Variants in SPTBN1 observed in about 807,000 individuals in gnomAD.
The protein encoded by SPTBN1 is spectrin beta, non-erythrocytic 1, also known as spectrin beta chain, non-erythrocytic 1.
SPTBN1 carries 32 observed loss-of-function variants against 266.4 expected under a neutral mutation model. That is an observed-to-expected ratio of 0.12 (90% CI 0.09 to 0.16). SPTBN1 has a LOEUF of 0.16. SPTBN1 is among the 10% of genes least tolerant of loss of function. The pLI is 1.00. For synonymous variants in SPTBN1, 1,336 were observed against 1,162.2 expected (o/e 1.15, Z -3.04); for missense variants, 2,296 against 3,067.1 (o/e 0.75, Z 5.94).
rs1680125078 is a variant in SPTBN1, at chr2:54,649,439, A to G, written c.5203-176A>G. On this transcript the variant is annotated intron_variant, in intron 25 of 35. Coordinates refer to ENST00000356805, the MANE Select transcript of SPTBN1 (RefSeq NM_003128.3). This position sits in a 1 kb window ranked among gnomAD's most constrained non-coding sequence, Gnocchi z 6.7. ...GTGCCTCACTCTGCTGCAGTGAGCA[A>G]GAAAGGAAACCCAGTTGCTAAGAGG... The G allele has an allele frequency of 2.7e-6, 3 of 1,125,218 alleles. No individual in the cohort carries two copies. Among genetic ancestry groups the G allele is most frequent in the Non-Finnish European group, 1.2e-6 (1 of 811,830 alleles). 69.7% of individuals were successfully genotyped at this position (1,125,218 alleles called of 1,614,324 possible).
Position 54,631,053 on chromosome 2 carries a change from G to C in SPTBN1, c.3006G>C (p.Glu1002Asp). 6.2e-7 allele frequency: 1 copy of C among 1,614,006 alleles called. No individual in the cohort carries two copies. Among genetic ancestry groups the C allele is most frequent in the Non-Finnish European group, 8.5e-7 (1 of 1,179,870 alleles). ...TGCAGCGCAAGCTGACCGGCATGGA[G>C]CGGGACTTGGTGGCCATTGAGGCAA... is the stretch of plus-strand genomic sequence containing the variant. ...MALQRKLTGMERDLVAIEAKL... is the reference protein window; with the variant it reads ...MALQRKLTGMDRDLVAIEAKL... The change falls in exon 16 of 36, where the codon GAG (glutamate) becomes GAC (aspartate). Residue 1002 changes from glutamate to aspartate, a missense_variant. By Grantham distance (45) the Glu-to-Asp change is conservative (BLOSUM62 2). Coordinates refer to ENST00000356805, the MANE Select transcript of SPTBN1 (RefSeq NM_003128.3).
intron 1 of SPTBN1, among the ~76,000 whole-genome samples, chr2:54,496,925 A>G (rs373412979): frequency 6.7e-4 from 102 of 152,378 alleles, no homozygotes; most frequent in Admixed American, 3.5e-3. Context: ...GTGAACAACT[A>G]TGTGTCCTGT....
chr2:54,661,011 T>C (rs1681004291), intron 32 of SPTBN1: 4 of 985,322 alleles, frequency 4.1e-6, no homozygotes, highest in Non-Finnish European at 4.8e-6. Flanking sequence ...TACTTGAACG[T>C]TGCACTTGGT....
chr2:54,582,809 C>G (rs982596289), intron 2 of SPTBN1, among the ~76,000 whole-genome samples: 5 of 152,080 alleles, frequency 3.3e-5, no homozygotes, highest in Non-Finnish European at 7.4e-5. Flanking sequence ...GTGGTGGGGG[C>G]TATCAAGTCA....
At chr2:54,590,280 G>A (rs534024526) in intron 2 of SPTBN1, among the ~76,000 whole-genome samples, 149 of 152,320 alleles carry the variant, frequency 9.8e-4, no homozygotes, top group Non-Finnish European at 2.1e-4. Context: ...GCTATACAAT[G>A]ACAACATTTA....
chr2:54,633,622 C>T (rs1172832244), intron 17 of SPTBN1, among the ~76,000 whole-genome samples: 2 of 152,202 alleles, frequency 1.3e-5, no homozygotes, highest in Non-Finnish European at 2.9e-5. Flanking sequence ...AATCACTAGC[C>T]CCTGTTCCAG....
intron 15 of SPTBN1, among the ~76,000 whole-genome samples, chr2:54,630,638 C>T (rs1455053202): frequency 2.0e-5 from 3 of 152,202 alleles, no homozygotes; most frequent in South Asian, 2.1e-4. Flanking sequence ...CATTCCTCTT[C>T]GTGACAGGCT....
intron 17 of SPTBN1, among the ~76,000 whole-genome samples, chr2:54,634,212 TTGC>T (rs1486401464): frequency 2.0e-5 from 3 of 152,242 alleles, no homozygotes; most frequent in African/African-American, 7.2e-5. Flanking sequence ...TGCAGCTGCC[TTGC>T]TGCTTCCTCG....
rs767611016 is a variant in SPTBN1 at position 54,655,219 on chromosome 2, A to G, written c.5961+11A>G. 1.2e-6 allele frequency: 2 copies of G among 1,610,302 alleles called. No individual in the cohort carries two copies. The highest frequency in any genetic ancestry group is 1.7e-6 in the Non-Finnish European group (2 of 1,178,548). Reference sequence around the variant, plus strand: ...TATGCATCTGAGGAGGTAGGTTGCTACTTTGCTTTGGAGCTGCAGCTGGCG... The same window carrying G: ...TATGCATCTGAGGAGGTAGGTTGCTGCTTTGCTTTGGAGCTGCAGCTGGCG... On this transcript the variant is annotated intron_variant, in intron 28 of 35. Transcript: ENST00000356805.
intron 27 of SPTBN1, among the ~76,000 whole-genome samples, chr2:54,654,296 G>T (rs1352393950): frequency 6.6e-6 from 1 of 152,132 alleles, no homozygotes; most frequent in African/African-American, 2.4e-5. Flanking sequence ...CATTACTAAA[G>T]GTGTCACCCT....
intron 1 of SPTBN1, among the ~76,000 whole-genome samples, chr2:54,499,236 T>C (rs1215317911): frequency 6.6e-6 from 1 of 152,252 alleles, no homozygotes; most frequent in African/African-American, 2.4e-5. Flanking sequence ...TTTTAATTTT[T>C]TTCTCCTTAT....
chr2:54,610,868 C>A (rs1425903752), intron 3 of SPTBN1, among the ~76,000 whole-genome samples: 1 of 152,208 alleles, frequency 6.6e-6, no homozygotes, highest in African/African-American at 2.4e-5. Context: ...GTGAAAAATA[C>A]ACAAGAACTG....
In SPTBN1 at chr2:54,664,314, GGGTGTGCAAT is replaced by G; in HGVS notation, c.6421-135_6421-126del. 2 of 805,972 alleles carry G rather than the reference GGGTGTGCAAT, an allele frequency of 2.5e-6. No homozygotes were observed. The highest frequency in any genetic ancestry group is 4.0e-6 in the Non-Finnish European group (2 of 501,764). 49.9% of individuals were successfully genotyped at this position (805,972 alleles called of 1,614,324 possible). On this transcript the variant is annotated intron_variant, in intron 32 of 35. Transcript: ENST00000356805. This position sits in a 1 kb window ranked among gnomAD's most constrained non-coding sequence, Gnocchi z 5.6. Reference sequence around the variant, plus strand: ...GTCCTTGATGTCCAGCTGGCTTTGTGGGTGTGCAATGGTTTTACTGTACTGCCTCGATCTG... The same window carrying G: ...GTCCTTGATGTCCAGCTGGCTTTGTGGGTTTTACTGTACTGCCTCGATCTG...
intron 10 of SPTBN1, 76 bp downstream of exon 10, chr2:54,623,672 A>G: frequency 8.7e-7 from 1 of 1,152,106 alleles, no homozygotes; most frequent in South Asian, 1.5e-5. Flanking sequence ...CTCGACTGCT[A>G]AGAGGACAAG....
chr2:54,578,588 G>A (rs1299455892), intron 2 of SPTBN1, among the ~76,000 whole-genome samples: 2 of 152,152 alleles, frequency 1.3e-5, no homozygotes, highest in African/African-American at 2.4e-5. Context: ...ATCCTTACGT[G>A]TTCAGCCTTA....
At position 54,602,607 on chromosome 2, in the gene SPTBN1, C is replaced by A. The variant is rs74428840; in HGVS notation, c.300+3364C>A. On this transcript the variant is annotated intron_variant, in intron 3 of 35. Transcript: ENST00000356805. ...GTTTTCCAAACAACTCTGCCCTCCCCCAAACCCCACCAAGTCAGTTATCAC... is the reference window on the plus strand; with the variant it reads ...GTTTTCCAAACAACTCTGCCCTCCCACAAACCCCACCAAGTCAGTTATCAC... 3.2e-3 allele frequency among the ~76,000 whole-genome samples: 494 copies of A among 152,272 alleles called. 17 individuals are homozygous for A. The East Asian group carries it at 0.068, about 21-fold the overall frequency.
At chr2:54,460,173 C>T (rs1693286719) in intron 1 of SPTBN1, among the ~76,000 whole-genome samples, 1 of 152,162 alleles carries the variant, frequency 6.6e-6, no homozygotes, top group Admixed American at 6.5e-5. Context: ...TTTAACAAGA[C>T]CTTTAAGTGA....
In SPTBN1 at chr2:54,513,173, TCAAAA is replaced by T. The variant is rs1165040408; in HGVS notation, c.-47-13195_-47-13191del. Among the ~76,000 whole-genome samples the T allele has an allele frequency of 6.6e-5, 10 of 152,134 alleles. No individual in the cohort carries two copies. In the East Asian group the frequency reaches 1.6e-3, roughly 24 times the overall value. On this transcript the variant is annotated intron_variant, in intron 1 of 35. Coordinates refer to ENST00000356805, the MANE Select transcript of SPTBN1 (RefSeq NM_003128.3). ...CTGGGCAACGGAGTGAATCCCTGTC[TCAAAA>T]CAAGCAAGCAAACAAAAAAGAAACC...
intron 1 of SPTBN1, among the ~76,000 whole-genome samples, chr2:54,506,518 A>AT (rs1186155312): frequency 2.6e-5 from 4 of 151,866 alleles, no homozygotes; most frequent in African/African-American, 9.7e-5. Flanking sequence ...GAACTGAGTA[A>AT]TTTTTTCTTC....
Sources: gnomAD v4.1 joint callset for allele counts (sites outside exome capture counted in the v4.1 genomes callset) on GRCh38, gnomAD v4.1.1 for gene constraint, Gnocchi (gnomAD v3.1) non-coding constraint, MANE v1.5 for transcripts, NCBI Gene and HGNC (gene_info 2026-07-23, HGNC 2026-07-21) for gene names.